CROCC: variants seen among roughly 807,000 people sequenced by gnomAD.
The protein encoded by CROCC is rootletin.
CROCC carries 180 observed loss-of-function variants against 245.2 expected under a neutral mutation model. The observed-to-expected ratio is 0.73, with a 90% CI of 0.65 to 0.83. The LOEUF is 0.83. CROCC is among the 40% of genes least tolerant of loss of function. The pLI is 0.00. For missense variants in CROCC, 2,688 were observed against 2,779.4 expected, an observed-to-expected ratio of 0.97 and a Z score of 0.74; for synonymous variants, 1,205 against 1,241.6, an observed-to-expected ratio of 0.97 and a Z score of 0.62.
chr1:16,972,527 C>T lies in CROCC; in HGVS notation c.*81C>T, dbSNP rs948797891. ...TTTTGGACAGCCCCCCCACCCAGAG[C>T]CCGGTCCCTTGGGGGCCTCAAGCTG... On this transcript the variant is annotated 3_prime_UTR_variant, in exon 37 of 37. Transcript: ENST00000375541. 3 of 919,144 alleles carry T rather than the reference C, an allele frequency of 3.3e-6. No individual in the cohort carries two copies. The highest frequency in any genetic ancestry group is 4.8e-6 in the Non-Finnish European group (3 of 621,218). The allele number at this position is 919,144 out of a possible 1,614,324, so 56.9% of individuals were successfully genotyped here. A position where few individuals can be genotyped will look rare whatever the true frequency, so the allele number is the denominator to read the frequency against.
chr1:16,922,191 T>C, intron 1 of CROCC, 113 bp downstream of exon 1: 1 of 1,137,200 alleles, frequency 8.8e-7, no homozygotes, highest in Non-Finnish European at 1.2e-6. Context: ...GGTGTGGTGG[T>C]GGTGGGGTAT....
At chr1:16,920,815 C>T (rs2075388180), upstream of CROCC, among the ~76,000 whole-genome samples, 1 of 149,328 alleles carries the variant, frequency 6.7e-6, no homozygotes, top group Admixed American at 6.8e-5. Flanking sequence ...GCGATCTTGG[C>T]TCACTGCAAC....
rs540383350 is a variant in CROCC, at chr1:16,967,067, AAAG to A, written c.4860+511_4860+513del. Among the ~76,000 whole-genome samples, 551 of 151,566 alleles carry A rather than the reference AAAG, an allele frequency of 3.6e-3. 2 individuals carry two copies. Among genetic ancestry groups the A allele is most frequent in the African/African-American group, 0.013 (515 of 41,008 alleles). On this transcript the variant is annotated intron_variant, in intron 30 of 36. Transcript: ENST00000375541. Reference sequence around the variant, plus strand: ...CCCTGTAAAAAAGAAAAGAAAAAAAAAAGAAGAAGAAGAAGAAAAGAAAGAGAG... The same window carrying A: ...CCCTGTAAAAAAGAAAAGAAAAAAAAAAGAAGAAGAAGAAAAGAAAGAGAG...
Position 16,924,423 on chromosome 1 carries a change from C to T in CROCC, c.295C>T (p.Gln99Ter). 1 of 1,613,322 alleles carries T rather than the reference C, an allele frequency of 6.2e-7. No individual in the cohort carries two copies. The highest frequency in any genetic ancestry group is 8.5e-7 in the Non-Finnish European group (1 of 1,179,896). Residue 99 changes from glutamine (Q) to a stop codon, truncating the protein, a stop_gained, in exon 3 of 37, where the codon CAG becomes TAG. Coordinates refer to ENST00000375541, the MANE Select transcript of CROCC (RefSeq NM_014675.5). LOFTEE classifies it high-confidence loss of function. ...ELSRVEDLLA[Q>*]SRAERDELAI... ...GTCCCGCGTGGAGGACCTGCTGGCC[C>T]AGAGCCGTGCCGAGCGCGATGAGCT... is the stretch of plus-strand genomic sequence containing the variant.
chr1:16,940,555 T>G (rs2075907732), intron 13 of CROCC, among the ~76,000 whole-genome samples: 1 of 152,160 alleles, frequency 6.6e-6, no homozygotes, highest in African/African-American at 2.4e-5. Context: ...CCCGGCTAAT[T>G]TTTTTTGTAT....
Position 16,922,715 on chromosome 1 carries a change from T to G in CROCC, c.113T>G (p.Leu38Arg), listed in dbSNP as rs781117597. The G allele has an allele frequency of 7.4e-6, 12 of 1,613,736 alleles. No individual in the cohort carries two copies. In the East Asian group the frequency reaches 2.4e-4, roughly 33 times the overall value. Residue 38 changes from leucine (L) to arginine (R), a missense_variant, in exon 2 of 37, where the codon CTG becomes CGG. Coordinates refer to ENST00000375541, the MANE Select transcript of CROCC (RefSeq NM_014675.5). ...GAGAAAGGCTTGGGCGCGCGGGACC[T>G]GGCCCAGGACGCTCAGATCACCAGC... ...CQEKGLGARD[L>R]AQDAQITSLP...
At chr1:16,918,800 G>A (rs1191514974), upstream of CROCC, among the ~76,000 whole-genome samples, 2 of 151,130 alleles carry the variant, frequency 1.3e-5, no homozygotes, top group East Asian at 1.9e-4. Context: ...ACAGTGGTGC[G>A]ATCTCAGCTC....
intron 13 of CROCC, among the ~76,000 whole-genome samples, chr1:16,942,348 G>A (rs1172795093): frequency 6.6e-6 from 1 of 152,274 alleles, no homozygotes; most frequent in African/African-American, 2.4e-5. Context: ...CTGCCAGGTT[G>A]TTTTTGATAT....
chr1:16,916,068 C>T (rs537116378), intron 1 of CROCC, among the ~76,000 whole-genome samples: 28 of 152,334 alleles, frequency 1.8e-4, no homozygotes, highest in East Asian at 7.7e-4. Flanking sequence ...CCCAGCTACT[C>T]GGGAGGCTGA....
Position 16,930,524 on chromosome 1 carries a change from T to A in CROCC, c.779T>A (p.Val260Glu), listed in dbSNP as rs777701240. The change falls in exon 7 of 37, where the codon GTG (valine) becomes GAG (glutamate). Residue 260 changes from valine to glutamate, a missense_variant. Coordinates refer to ENST00000375541, the MANE Select transcript of CROCC (RefSeq NM_014675.5). Reference protein sequence around the residue: ...NQALSEDIRKVTNDWTRCRKE... With the variant: ...NQALSEDIRKETNDWTRCRKE... The stretch of plus-strand genomic sequence containing the variant: ...GCTCTGAGTGAGGACATACGAAAGG[T>A]GACCAATGACTGGACACGCTGCCGC... 16 of 1,612,166 alleles carry A rather than the reference T, an allele frequency of 9.9e-6. No individual in the cohort carries two copies. Among genetic ancestry groups the A allele is most frequent in the Non-Finnish European group, 1.3e-5 (15 of 1,179,814 alleles).
intron 34 of CROCC, 91 bp from the exon 35 acceptor site, chr1:16,970,545 G>A (rs2076499650): frequency 1.4e-6 from 2 of 1,475,674 alleles, no homozygotes; most frequent in Admixed American, 2.4e-5. Context: ...TACCTCTGGT[G>A]GGGTTAGGTT....
rs768679535 is a variant in CROCC at position 16,970,684 on chromosome 1, G to A, written c.5701G>A (p.Ala1901Thr). Residue 1901 changes from alanine to threonine, a missense_variant, in exon 35 of 37, where the codon GCA (alanine) becomes ACA (threonine). Transcript: ENST00000375541. ...CCATGAGGACACAGTGCGGCTGAGCGCAGAGAAGGGCCGCCTGGACCGCAC... is the reference window on the plus strand; with the variant it reads ...CCATGAGGACACAGTGCGGCTGAGCACAGAGAAGGGCCGCCTGGACCGCAC... Reference protein sequence around the residue: ...RSHEDTVRLSAEKGRLDRTLT... With the variant: ...RSHEDTVRLSTEKGRLDRTLT... 9.1e-5 allele frequency: 145 copies of A among 1,601,318 alleles called. No homozygotes were observed. The highest frequency in any genetic ancestry group is 1.7e-4 in the Admixed American group (10 of 57,724).
rs1455314013 is a variant in CROCC at position 16,946,959 on chromosome 1, G to T, written c.2482G>T (p.Glu828Ter). The change falls in exon 17 of 37, where the codon GAG (glutamate) becomes TAG (stop). Residue 828 changes from glutamate (E) to a stop codon, truncating the protein, a stop_gained. Transcript: ENST00000375541. LOFTEE classifies it high-confidence loss of function. ...GCAGCAGCTCCCCACGCTGCGCCATGAGCGCAGCCAGCTGCAGGAGCAGCT... is the reference window on the plus strand; with the variant it reads ...GCAGCAGCTCCCCACGCTGCGCCATTAGCGCAGCCAGCTGCAGGAGCAGCT... ...LEQQLPTLRHERSQLQEQLAQ... is the reference protein window; with the variant it reads ...LEQQLPTLRH The T allele has an allele frequency of 1.3e-6, 2 of 1,556,268 alleles. No individual in the cohort carries two copies. The highest frequency in any genetic ancestry group is 1.9e-5 in the Admixed American group (1 of 51,606).
Position 16,946,961 on chromosome 1 carries a change from G to T in CROCC, c.2484G>T (p.Glu828Asp). Reference sequence around the variant, plus strand: ...AGCAGCTCCCCACGCTGCGCCATGAGCGCAGCCAGCTGCAGGAGCAGCTAG... The same window carrying T: ...AGCAGCTCCCCACGCTGCGCCATGATCGCAGCCAGCTGCAGGAGCAGCTAG... ...LEQQLPTLRH[E>D]RSQLQEQLAQ... The change falls in exon 17 of 37, where the codon GAG becomes GAT. Residue 828 changes from glutamate (E) to aspartate (D), a missense_variant. Physicochemically the swap from Glu to Asp is conservative, Grantham distance 45. This residue lies in a region of CROCC where 295 missense variants were observed against 241.7 expected (regional missense o/e 1.22). Transcript: ENST00000375541. The T allele has an allele frequency of 6.4e-7, 1 of 1,555,920 alleles. No homozygotes were observed. Among genetic ancestry groups the T allele is most frequent in the Non-Finnish European group, 8.7e-7 (1 of 1,150,582 alleles).
At chr1:16,971,268 A>G (rs1297905616) in intron 35 of CROCC, among the ~76,000 whole-genome samples, 197 bp from the exon 36 acceptor site, 7 of 146,878 alleles carry the variant, frequency 4.8e-5, no homozygotes, top group Non-Finnish European at 1.5e-5. Context: ...CACCTGCCTG[A>G]GTGGGGGTCA....
chr1:16,925,680 A>C (rs1446789109), intron 3 of CROCC, among the ~76,000 whole-genome samples: 1 of 152,270 alleles, frequency 6.6e-6, no homozygotes, highest in Non-Finnish European at 1.5e-5. Context: ...TGGAGCCCGC[A>C]TTGGCAGGAG....
chr1:16,923,722 C>T (rs1305481774), intron 2 of CROCC, among the ~76,000 whole-genome samples: 1 of 141,606 alleles, frequency 7.1e-6, no homozygotes, highest in Non-Finnish European at 1.5e-5. Context: ...GCTGTGTTGC[C>T]CAGGCTGGAG....
At chr1:16,922,892 T>G in intron 2 of CROCC, 94 bp downstream of exon 2, 2 of 1,499,556 alleles carry the variant, frequency 1.3e-6, no homozygotes, top group Non-Finnish European at 9.0e-7. Flanking sequence ...TGATCATGAC[T>G]GTAACTCACT....
rs746026218 is a variant in CROCC at position 16,954,341 on chromosome 1, G to A, written c.3305G>A (p.Arg1102Gln). 2.1e-5 allele frequency: 34 copies of A among 1,611,454 alleles called. No homozygotes were observed. The Admixed American group carries it at 4.2e-4, about 20-fold the overall frequency. The change falls in exon 22 of 37, where the codon CGG (arginine) becomes CAG (glutamine). Residue 1102 changes from arginine to glutamine, a missense_variant. Physicochemically the swap from Arg to Gln is conservative, Grantham distance 43 (BLOSUM62 1). This residue lies in a region of CROCC where 32 missense variants were observed against 54.1 expected (regional missense o/e 0.59). Coordinates refer to ENST00000375541, the MANE Select transcript of CROCC (RefSeq NM_014675.5). This position sits in a 1 kb window ranked among gnomAD's most constrained non-coding sequence, Gnocchi z 4.4. ...CGGCAGAAACGAGATGCCCAGAGCC[G>A]GCAGGAGCAGGACCGGGTAGGGCAG... ...MERQKRDAQS[R>Q]QEQDRSTVNA...
Sources: allele counts gnomAD v4.1 joint callset (sites outside exome capture counted in the v4.1 genomes callset), GRCh38; gene constraint gnomAD v4.1.1; regional missense constraint gnomAD v4.1.1; non-coding constraint Gnocchi (gnomAD v3.1); transcripts MANE v1.5; gene names NCBI Gene and HGNC (gene_info 2026-07-23, HGNC 2026-07-21).